The following POLR3E variants were observed in gnomAD, a reference collection of about 807,000 sequenced individuals.
POLR3E encodes DNA-directed RNA polymerase III subunit RPC5.
POLR3E carries 41 observed loss-of-function variants against 96.6 expected under a neutral mutation model. The ratio of observed to expected loss-of-function variants is 0.42; its 90% CI spans 0.33 to 0.55. POLR3E has a LOEUF of 0.55. POLR3E is among the 20% of genes least tolerant of loss of function. POLR3E has a pLI of 0.06. For synonymous variants in POLR3E, 396 were observed against 383.6 expected (o/e 1.03, Z -0.38); for missense variants, 849 against 952.1 (o/e 0.89, Z 1.43).
chr16:22,309,080 T>G, intron 5 of POLR3E, 40 bp downstream of exon 5: 8 of 1,390,170 alleles, frequency 5.8e-6, no homozygotes, highest in Non-Finnish European at 8.2e-6. Flanking sequence ...TTCCCTGCGT[T>G]CACACAGGAG....
intron 18 of POLR3E, 60 bp from the exon 19 acceptor site, chr16:22,328,450 C>A: frequency 1.4e-6 from 2 of 1,421,284 alleles, no homozygotes; most frequent in Non-Finnish European, 2.0e-6. Flanking sequence ...AGGGATGAGG[C>A]AAGCAAATGG....
At position 22,305,195 on chromosome 16, in the gene POLR3E, T is replaced by A; in HGVS notation, c.76T>A (p.Tyr26Asn). The change falls in exon 3 of 21, where the codon TAT becomes AAT. Residue 26 changes from tyrosine (Y) to asparagine (N), a missense_variant. Physicochemically the swap from Tyr to Asn is moderately radical, Grantham distance 143. Coordinates refer to ENST00000299853, the MANE Select transcript of POLR3E (RefSeq NM_018119.4). ...YLAKSLAEKL[Y>N]LFQYPVRPAS... is the part of the protein sequence containing the mutation. ...GGCCAAGAGTCTGGCGGAAAAGCTG[T>A]ATCTATTTCAGGTAATTATGGGACT... The A allele has an allele frequency of 6.2e-7, 1 of 1,611,992 alleles. No homozygotes were observed. Among genetic ancestry groups the A allele is most frequent in the Non-Finnish European group, 8.5e-7 (1 of 1,178,176 alleles).
In POLR3E at chr16:22,334,382, C is replaced by T. The variant is rs2048808517; in HGVS notation, c.*682C>T. 3 of 152,204 alleles carry T rather than the reference C, an allele frequency of 2.0e-5. No homozygotes were observed. The highest frequency in any genetic ancestry group is 4.4e-5 in the Non-Finnish European group (3 of 68,036). 9.4% of individuals were successfully genotyped at this position (152,204 alleles called of 1,614,324 possible). On this transcript the variant is annotated 3_prime_UTR_variant, in exon 21 of 21. Coordinates refer to ENST00000299853, the MANE Select transcript of POLR3E (RefSeq NM_018119.4). The stretch of plus-strand genomic sequence containing the variant: ...GAACAATGTGTAAGTGAGGTTATCA[C>T]ACTTTGATGTAAAAATTTCTATTTT...
chr16:22,299,935 G>A (rs946555340), intron 1 of POLR3E, among the ~76,000 whole-genome samples: 53 of 152,084 alleles, frequency 3.5e-4, no homozygotes, highest in Admixed American at 2.2e-3. Flanking sequence ...GGCTGGTCTC[G>A]AACTCCTGGT....
intron 13 of POLR3E, among the ~76,000 whole-genome samples, chr16:22,319,720 T>TG (rs1237809577): frequency 4.6e-5 from 7 of 152,172 alleles, no homozygotes; most frequent in African/African-American, 1.7e-4. Flanking sequence ...TTTTTTAAAT[T>TG]GACACATAAT....
At chr16:22,298,564 T>G (rs2141715173) in intron 1 of POLR3E, among the ~76,000 whole-genome samples, 1 of 152,276 alleles carries the variant, frequency 6.6e-6, no homozygotes, top group East Asian at 1.9e-4. Flanking sequence ...TGGTGGGATT[T>G]GAACCTGCAC....
Position 22,332,204 on chromosome 16 carries a change from T to TAACA in POLR3E, c.2070+25_2070+28dup. Reference sequence around the variant, plus strand: ...ACTAAAGGTACATCCATTTTGTGCATAACAAACAATATCAAAGGCTCTGGA... The same window carrying TAACA: ...ACTAAAGGTACATCCATTTTGTGCATAACAAACAAACAATATCAAAGGCTCTGGA... On this transcript the variant is annotated intron_variant, in intron 20 of 20. Coordinates refer to ENST00000299853, the MANE Select transcript of POLR3E (RefSeq NM_018119.4). The TAACA allele has an allele frequency of 6.2e-7, 1 of 1,606,966 alleles. No homozygotes were observed. The highest frequency in any genetic ancestry group is 8.5e-7 in the Non-Finnish European group (1 of 1,175,424).
intron 18 of POLR3E, chr16:22,328,231 T>G (rs1329749283): frequency 9.1e-6 from 4 of 441,186 alleles, no homozygotes; most frequent in South Asian, 2.7e-5. Flanking sequence ...ACGGAGGATA[T>G]CTGCAGACTC....
At chr16:22,300,423 C>T (rs1213330060) in intron 1 of POLR3E, among the ~76,000 whole-genome samples, 1 of 152,096 alleles carries the variant, frequency 6.6e-6, no homozygotes, top group Non-Finnish European at 1.5e-5. Context: ...GGAGCTCCAG[C>T]TCTCTAGCTG....
intron 20 of POLR3E, among the ~76,000 whole-genome samples, chr16:22,332,565 A>C (rs2048763209): frequency 6.6e-6 from 1 of 152,084 alleles, no homozygotes; most frequent in Non-Finnish European, 1.5e-5. Context: ...AAACAATAGA[A>C]CAACAAAAAA....
At chr16:22,332,240 A>T in intron 20 of POLR3E, 55 bp downstream of exon 20, 1 of 1,525,910 alleles carries the variant, frequency 6.6e-7, no homozygotes, top group Non-Finnish European at 9.0e-7. Context: ...AGGGGCTGAC[A>T]GTGTGTAGAA....
rs564650356 is a variant in POLR3E, at chr16:22,319,072, C to G, written c.986+126C>G. 9.4e-4 allele frequency: 552 copies of G among 587,110 alleles called. 9 individuals are homozygous for G. The South Asian group carries it at 0.012, about 13-fold the overall frequency. The allele number at this position is 587,110 out of a possible 1,614,324, so 36.4% of individuals were successfully genotyped here. On this transcript the variant is annotated intron_variant, in intron 13 of 20. Transcript: ENST00000299853. ...TCACTGTAACTTCTCCCTCCCAGGT[C>G]CAAGCAACTCTCCTGCCTCAGCCTC... is the stretch of plus-strand genomic sequence containing the variant.
intron 18 of POLR3E, chr16:22,327,183 A>T (rs1438873321): frequency 6.6e-6 from 1 of 152,420 alleles, no homozygotes; most frequent in Admixed American, 6.5e-5. Context: ...CAAGGTCAGG[A>T]GCGGGCCTGC....
intron 8 of POLR3E, among the ~76,000 whole-genome samples, chr16:22,314,557 T>C (rs1350968126): frequency 1.3e-5 from 2 of 152,232 alleles, no homozygotes; most frequent in African/African-American, 4.8e-5. Flanking sequence ...TTATGGTTTG[T>C]AAAGTTTTCC....
In POLR3E at chr16:22,325,435, T is replaced by G. The variant is rs1405536610; in HGVS notation, c.1348+169T>G. The G allele has an allele frequency of 1.0e-5, 7 of 671,098 alleles. No individual in the cohort carries two copies. The Admixed American group carries it at 1.8e-4, about 18-fold the overall frequency. The allele number at this position is 671,098 out of a possible 1,614,324, so 41.6% of individuals were successfully genotyped here. ...CACCCACAGACCGCAGCTGGTCGCT[T>G]GCCCAGCAGCAGAGCCTCAGGGACG... On this transcript the variant is annotated intron_variant, in intron 17 of 20. Transcript: ENST00000299853.
chr16:22,298,563 T>TC (rs1207559052), intron 1 of POLR3E, among the ~76,000 whole-genome samples: 1 of 152,154 alleles, frequency 6.6e-6, no homozygotes, highest in Non-Finnish European at 1.5e-5. Context: ...GTGGTGGGAT[T>TC]TGAACCTGCA....
intron 10 of POLR3E, 86 bp downstream of exon 10, chr16:22,316,772 G>GT: frequency 8.5e-7 from 1 of 1,181,620 alleles, no homozygotes; most frequent in Middle Eastern, 1.9e-4. Flanking sequence ...AGAGGACTGT[G>GT]GCCCCTCCTG....
intron 19 of POLR3E, chr16:22,331,375 TCTTTC>T: frequency 6.6e-6 from 1 of 152,232 alleles, no homozygotes; most frequent in African/African-American, 2.4e-5. Context: ...TGGCCTGTAT[TCTTTC>T]CTTTATGCCA....
At chr16:22,326,448 A>G in intron 18 of POLR3E, 170 bp downstream of exon 18, 1 of 653,994 alleles carries the variant, frequency 1.5e-6, no homozygotes, top group Non-Finnish European at 2.8e-6. Context: ...TTCTCATGAA[A>G]TGGGATCATG....
Sources: allele counts gnomAD v4.1 joint callset (sites outside exome capture counted in the v4.1 genomes callset), GRCh38; gene constraint gnomAD v4.1.1; transcripts MANE v1.5; gene names NCBI Gene and HGNC (gene_info 2026-07-23, HGNC 2026-07-21).